TFEC: variants seen among roughly 807,000 people sequenced by gnomAD.
The protein encoded by TFEC is transcription factor EC, also known as class E basic helix-loop-helix protein 34.
Under a neutral mutation model 41.6 loss-of-function variants are expected in TFEC, and 31 were observed. That is an observed-to-expected ratio of 0.74 (90% CI 0.56 to 1.01). The LOEUF is 1.01. TFEC is among the 50% of genes least tolerant of loss of function. TFEC has a pLI of 0.00. For missense variants in TFEC, 402 were observed against 404.1 expected, an observed-to-expected ratio of 0.99 and a Z score of 0.04; for synonymous variants, 143 against 140.6, an observed-to-expected ratio of 1.02 and a Z score of -0.12.
At chr7:116,035,006 A>T (rs377273827), upstream of TFEC, among the ~76,000 whole-genome samples, 55 of 151,592 alleles carry the variant, frequency 3.6e-4, no homozygotes, top group African/African-American at 1.3e-3. Context: ...TTTTTTCCAT[A>T]GACCCCATGA....
chr7:115,998,719 G>A (rs1187487473), intron 1 of TFEC, among the ~76,000 whole-genome samples: 2 of 152,058 alleles, frequency 1.3e-5, no homozygotes, highest in East Asian at 3.9e-4. Flanking sequence ...GAAAAAAGGT[G>A]TAAGAAGAGA....
chr7:116,118,281 A>G (rs1798034611), intron 1 of TFEC, among the ~76,000 whole-genome samples: 1 of 151,776 alleles, frequency 6.6e-6, no homozygotes, highest in Admixed American at 6.6e-5. Flanking sequence ...AAACACTAAA[A>G]CTTTCTGTTG....
intron 3 of TFEC, among the ~76,000 whole-genome samples, chr7:116,100,768 G>A (rs1293260822): frequency 2.6e-5 from 4 of 151,956 alleles, no homozygotes; most frequent in African/African-American, 9.7e-5. Flanking sequence ...AGTATTATGT[G>A]GGCTATCTAT....
intron 3 of TFEC, among the ~76,000 whole-genome samples, chr7:116,070,117 A>G (rs1036827811): frequency 3.3e-5 from 5 of 151,304 alleles, no homozygotes; most frequent in African/African-American, 1.2e-4. Flanking sequence ...ATATAAAAAC[A>G]ACATAAATAT....
At chr7:116,062,059 A>ACCATTC (rs1321566579) in intron 3 of TFEC, among the ~76,000 whole-genome samples, 1 of 147,854 alleles carries the variant, frequency 6.8e-6, no homozygotes, top group African/African-American at 2.5e-5. Flanking sequence ...AGTCTACTGT[A>ACCATTC]CCATTCTTTT....
At chr7:115,980,094 T>C (rs1173923828) in intron 2 of TFEC, among the ~76,000 whole-genome samples, 1 of 152,224 alleles carries the variant, frequency 6.6e-6, no homozygotes, top group East Asian at 1.9e-4. Context: ...TTACTAATGT[T>C]TTTGATGAAA....
chr7:115,965,529 T>G (rs1792802915), intron 3 of TFEC, among the ~76,000 whole-genome samples: 1 of 151,660 alleles, frequency 6.6e-6, no homozygotes, highest in African/African-American at 2.4e-5. Context: ...TTTTCTTTCT[T>G]TTTTAGTTGA....
intron 1 of TFEC, among the ~76,000 whole-genome samples, chr7:116,153,868 C>A (rs886180248): frequency 6.6e-6 from 1 of 152,116 alleles, no homozygotes; most frequent in African/African-American, 2.4e-5. Context: ...TAGGAGGACA[C>A]CAGTGAGCTG....
At chr7:116,055,909 C>T (rs1202708766) in intron 3 of TFEC, among the ~76,000 whole-genome samples, 2 of 152,000 alleles carry the variant, frequency 1.3e-5, no homozygotes, top group East Asian at 3.8e-4. Context: ...CTATACCATG[C>T]CGTTTCTGTT....
chr7:115,951,025 C>A, intron 5 of TFEC, 76 bp from the exon 6 acceptor site: 3 of 845,524 alleles, frequency 3.5e-6, no homozygotes, highest in Non-Finnish European at 5.2e-6. Context: ...ACATTTTTAA[C>A]AATCTTTTAA....
intron 1 of TFEC, among the ~76,000 whole-genome samples, chr7:116,116,889 A>T: frequency 6.6e-6 from 1 of 151,894 alleles, no homozygotes; most frequent in South Asian, 2.1e-4. Flanking sequence ...TTAATGGGAA[A>T]ATCACTCAAT....
At chr7:116,130,075 C>T (rs1227727745) in intron 1 of TFEC, among the ~76,000 whole-genome samples, 2 of 151,708 alleles carry the variant, frequency 1.3e-5, no homozygotes, top group African/African-American at 2.4e-5. Context: ...CACACACACA[C>T]ACACACACAC....
At chr7:116,085,995 T>C (rs1446433728) in intron 3 of TFEC, among the ~76,000 whole-genome samples, 1 of 151,890 alleles carries the variant, frequency 6.6e-6, no homozygotes, top group Non-Finnish European at 1.5e-5. Flanking sequence ...ATAACCACTG[T>C]AAAATATATC....
Position 116,030,620 on chromosome 7 carries a change from T to C in TFEC, c.-73+13A>G. 2 of 985,366 alleles carry C rather than the reference T, an allele frequency of 2.0e-6. No individual in the cohort carries two copies. The highest frequency in any genetic ancestry group is 2.4e-6 in the Non-Finnish European group (2 of 829,922). 61.0% of individuals were successfully genotyped at this position (985,366 alleles called of 1,614,324 possible). Reference sequence around the variant, plus strand: ...AAAGTACAGAAAATTAACCTGCCGGTTTAGTTACCTACCAGCAATGAGTGG... The same window carrying C: ...AAAGTACAGAAAATTAACCTGCCGGCTTAGTTACCTACCAGCAATGAGTGG... On this transcript the variant is annotated intron_variant, in intron 1 of 7. Coordinates refer to ENST00000265440, the MANE Select transcript of TFEC (RefSeq NM_012252.4).
Position 116,067,313 on chromosome 7 carries a change from G to A in TFEC, c.198+43395C>T, listed in dbSNP as rs148808445. Among the ~76,000 whole-genome samples the A allele has an allele frequency of 9.9e-5, 15 of 152,104 alleles. No homozygotes were observed. In the East Asian group the frequency reaches 2.7e-3, roughly 27 times the overall value. On this transcript the variant is annotated intron_variant, in intron 3 of 8. Coordinates refer to the TFEC transcript ENST00000484212. ...ATGTCTAAGGCAGAAATGAATCAGT[G>A]ATTTCAAGCACTAATTTGAGAATAT...
intron 1 of TFEC, among the ~76,000 whole-genome samples, chr7:116,029,374 A>C (rs1263883244): frequency 2.0e-5 from 3 of 152,178 alleles, no homozygotes; most frequent in Non-Finnish European, 2.9e-5. Context: ...GCACTGCTAC[A>C]CTCAGATTCA....
intron 1 of TFEC, among the ~76,000 whole-genome samples, chr7:116,145,835 G>A (rs1158660228): frequency 1.3e-5 from 2 of 152,140 alleles, no homozygotes; most frequent in Non-Finnish European, 2.9e-5. Flanking sequence ...CTGCTTATAA[G>A]TTAAAATGCC....
At chr7:116,115,822 A>G (rs1797975502) in intron 1 of TFEC, among the ~76,000 whole-genome samples, 1 of 152,018 alleles carries the variant, frequency 6.6e-6, no homozygotes, top group Non-Finnish European at 1.5e-5. Context: ...CTTGCTTCAC[A>G]GACACTTAGA....
At chr7:115,969,379 T>C (rs1273708608) in intron 3 of TFEC, among the ~76,000 whole-genome samples, 1 of 151,900 alleles carries the variant, frequency 6.6e-6, no homozygotes, top group East Asian at 1.9e-4. Context: ...AGACATTGAT[T>C]TGAGGAGTCA....
Sources: allele counts gnomAD v4.1 joint callset (sites outside exome capture counted in the v4.1 genomes callset), GRCh38; gene constraint gnomAD v4.1.1; transcripts MANE v1.5; gene names NCBI Gene and HGNC (gene_info 2026-07-23, HGNC 2026-07-21).